The following PCDHGA9 variants were observed in gnomAD, a reference collection of about 807,000 sequenced individuals.
PCDHGA9 encodes protocadherin gamma-A9.
PCDHGA9 carries 37 observed loss-of-function variants against 62.5 expected under a neutral mutation model. The observed-to-expected ratio is 0.59, with a 90% CI of 0.46 to 0.78. The LOEUF (loss-of-function observed/expected upper bound fraction) is 0.78, where lower values mean the gene tolerates loss of function less well. Ranked by LOEUF, PCDHGA9 falls within the 30% of genes least tolerant of loss-of-function variation. PCDHGA9 has a pLI of 0.00. For synonymous variants in PCDHGA9, 459 were observed against 484.6 expected (o/e 0.95, Z 0.69); for missense variants, 1,138 against 1,166.2 (o/e 0.98, Z 0.35).
At chr5:141,458,632 C>T (rs779075931) in intron 1 of PCDHGA9, among the ~76,000 whole-genome samples, 1 of 151,898 alleles carries the variant, frequency 6.6e-6, no homozygotes, top group Non-Finnish European at 1.5e-5. Context: ...TGCAGTGGCA[C>T]AATCCCAGCT....
At position 141,477,118 on chromosome 5, in the gene PCDHGA9, A is replaced by T. The variant is rs2099405787; in HGVS notation, c.2425-17689A>T. The T allele has an allele frequency of 6.2e-7, 1 of 1,614,228 alleles. No homozygotes were observed. Among genetic ancestry groups the T allele is most frequent in the Non-Finnish European group, 8.5e-7 (1 of 1,180,034 alleles). On this transcript the variant is annotated intron_variant, in intron 1 of 3. Coordinates refer to ENST00000573521, the MANE Select transcript of PCDHGA9 (RefSeq NM_018921.3). This position sits in a 1 kb window ranked among gnomAD's most constrained non-coding sequence, Gnocchi z 4.9. ...ACAAGGGCGCCAATCCCGAAGGAGC[A>T]CATTGCAAAGTGTTGGTGGAGGTTG...
In PCDHGA9 at chr5:141,421,687, G is replaced by C. The variant is rs763146085; in HGVS notation, c.2424+16311G>C. On this transcript the variant is annotated intron_variant, in intron 1 of 3. Coordinates refer to ENST00000573521, the MANE Select transcript of PCDHGA9 (RefSeq NM_018921.3). ...GCACGCAATTCCTGGGGCGCGATTT[G>C]CTCTTCCTAATGCTAGGGATCCAGA... 1.3e-5 allele frequency: 21 copies of C among 1,613,788 alleles called. No individual in the cohort carries two copies. Among genetic ancestry groups the C allele is most frequent in the Non-Finnish European group, 1.8e-5 (21 of 1,179,860 alleles).
chr5:141,419,386 G>A (rs2096372901), intron 1 of PCDHGA9: 1 of 1,613,650 alleles, frequency 6.2e-7, no homozygotes, highest in Non-Finnish European at 8.5e-7. Context: ...CCGTGAGCGC[G>A]CAGAGCGGGG....
intron 1 of PCDHGA9, chr5:141,475,848 C>T (rs1562050268): frequency 4.4e-6 from 2 of 451,496 alleles, no homozygotes; most frequent in Non-Finnish European, 7.9e-6. Context: ...TCAGAGAGCC[C>T]GGCGCTAGCT....
At chr5:141,454,428 CAG>C (rs1412897540) in intron 1 of PCDHGA9, among the ~76,000 whole-genome samples, 1 of 152,172 alleles carries the variant, frequency 6.6e-6, no homozygotes, top group Admixed American at 6.5e-5. Flanking sequence ...TATTTAGAGA[CAG>C]AGTTTCACTC....
intron 1 of PCDHGA9, among the ~76,000 whole-genome samples, chr5:141,459,559 A>AC (rs920626314): frequency 6.6e-6 from 1 of 152,198 alleles, no homozygotes; most frequent in Non-Finnish European, 1.5e-5. Flanking sequence ...TTGGATAAAT[A>AC]CCCCAAAACA....
chr5:141,444,363 G>A (rs1292799006), intron 1 of PCDHGA9, among the ~76,000 whole-genome samples: 1 of 151,772 alleles, frequency 6.6e-6, no homozygotes, highest in Non-Finnish European at 1.5e-5. Context: ...TAGAGACGGG[G>A]TTTCTCCATG....
At chr5:141,422,296 A>T (rs200545713) in intron 1 of PCDHGA9, 6 of 1,550,706 alleles carry the variant, frequency 3.9e-6, no homozygotes, top group Non-Finnish European at 4.3e-6. Context: ...TATTAATTCA[A>T]TTCTGGAAAA....
At chr5:141,423,219 T>C (rs775170753) in intron 1 of PCDHGA9, 3 of 1,613,752 alleles carry the variant, frequency 1.9e-6, no homozygotes, top group Admixed American at 1.7e-5. Flanking sequence ...TCACCGTGGC[T>C]GTGGCCGACA....
intron 1 of PCDHGA9, among the ~76,000 whole-genome samples, chr5:141,474,120 T>C (rs2099343213): frequency 6.6e-6 from 1 of 151,910 alleles, no homozygotes; most frequent in Non-Finnish European, 1.5e-5. Flanking sequence ...ACAACGAAAA[T>C]CTCAGAAAAC....
chr5:141,431,147 G>A lies in PCDHGA9; in HGVS notation c.2424+25771G>A, dbSNP rs1303502732. ...AGAAGTAAGGGACATTAACGACAAT[G>A]CGCCTTACTTTCGTGAAAGTGAATT... On this transcript the variant is annotated intron_variant, in intron 1 of 3. Coordinates refer to ENST00000573521, the MANE Select transcript of PCDHGA9 (RefSeq NM_018921.3). The surrounding 1 kb of genome is among the most constrained non-coding windows in gnomAD (Gnocchi z 4.8). 6.2e-7 allele frequency: 1 copy of A among 1,614,228 alleles called. No homozygotes were observed. The highest frequency in any genetic ancestry group is 1.7e-5 in the Admixed American group (1 of 60,030).
chr5:141,409,941 G>T, intron 1 of PCDHGA9: 1 of 1,613,226 alleles, frequency 6.2e-7, no homozygotes, highest in South Asian at 1.1e-5. Flanking sequence ...ATGGTACCTC[G>T]CTCTGCAGAG....
chr5:141,418,738 T>G lies in PCDHGA9; in HGVS notation c.2424+13362T>G, dbSNP rs781221446. 4.3e-6 allele frequency: 7 copies of G among 1,613,964 alleles called. No homozygotes were observed. In the South Asian group the frequency reaches 6.6e-5, roughly 15 times the overall value. On this transcript the variant is annotated intron_variant, in intron 1 of 3. Transcript: ENST00000573521. ...CTGACAAAGCTCAGCACGTGTTCTC[T>G]CTGGATTACACTACAGGAAACATTC...
chr5:141,425,371 G>T (rs1396857898), intron 1 of PCDHGA9, among the ~76,000 whole-genome samples: 3 of 152,186 alleles, frequency 2.0e-5, no homozygotes, highest in African/African-American at 7.2e-5. Context: ...AGAGGGTTAT[G>T]TTGATTCGGA....
At chr5:141,478,443 C>T (rs2099456258) in intron 1 of PCDHGA9, 3 of 1,613,494 alleles carry the variant, frequency 1.9e-6, no homozygotes, top group Admixed American at 1.7e-5. Flanking sequence ...CTGAAGAAAC[C>T]TGGTGCAGCC....
chr5:141,436,414 A>G (rs1459862288), intron 1 of PCDHGA9, among the ~76,000 whole-genome samples: 1 of 152,234 alleles, frequency 6.6e-6, no homozygotes, highest in East Asian at 1.9e-4. Flanking sequence ...ATGAATGGAT[A>G]AACAAATAAT....
chr5:141,408,079 A>C (rs1176059527), intron 1 of PCDHGA9: 13 of 1,407,872 alleles, frequency 9.2e-6, no homozygotes, highest in Non-Finnish European at 1.1e-5. Context: ...CTTTCCCAGC[A>C]CAGCGGATTG....
At chr5:141,450,134 G>A (rs1267554616) in intron 1 of PCDHGA9, among the ~76,000 whole-genome samples, 1 of 151,424 alleles carries the variant, frequency 6.6e-6, no homozygotes, top group East Asian at 2.0e-4. Context: ...AGCCTCCTGA[G>A]TAGCTGGGAC....
intron 1 of PCDHGA9, among the ~76,000 whole-genome samples, chr5:141,467,571 A>T (rs1228156610): frequency 6.6e-6 from 1 of 152,212 alleles, no homozygotes; most frequent in African/African-American, 2.4e-5. Context: ...ATGGCTATCC[A>T]GTTGTCCCAA....
Sources: allele counts gnomAD v4.1 joint callset (sites outside exome capture counted in the v4.1 genomes callset), GRCh38; gene constraint gnomAD v4.1.1; non-coding constraint Gnocchi (gnomAD v3.1); transcripts MANE v1.5; gene names NCBI Gene and HGNC (gene_info 2026-07-23, HGNC 2026-07-21).